OCIAD2: variants seen among roughly 807,000 people sequenced by gnomAD.
OCIAD2 encodes OCIA domain containing 2.
A neutral mutation model predicts 22.9 loss-of-function variants in OCIAD2; 29 were observed. The ratio of observed to expected loss-of-function variants is 1.27; its 90% CI spans 0.94 to 1.73. The LOEUF is 1.73. Ranked by LOEUF, OCIAD2 falls within the 40% of genes most tolerant of loss-of-function variation. The pLI, the probability that OCIAD2 is intolerant of heterozygous loss-of-function variation, is 0.00. For synonymous variants in OCIAD2, 67 were observed against 60.2 expected (o/e 1.11, Z -0.52); for missense variants, 189 against 180.3 (o/e 1.05, Z -0.28).
intron 6 of OCIAD2, among the ~76,000 whole-genome samples, chr4:48,889,465 T>C (rs1260236562): frequency 6.6e-6 from 1 of 152,196 alleles, no homozygotes; most frequent in Non-Finnish European, 1.5e-5. Context: ...CAGACACTTC[T>C]TAAAAGAAGA....
chr4:48,895,195 C>T (rs1005710353), intron 4 of OCIAD2, among the ~76,000 whole-genome samples: 4 of 152,112 alleles, frequency 2.6e-5, no homozygotes, highest in African/African-American at 9.7e-5. Flanking sequence ...CCAGTGAGAC[C>T]CATTTCAGCA....
At chr4:48,898,398 T>C (rs1012379624) in intron 3 of OCIAD2, among the ~76,000 whole-genome samples, 14 of 152,122 alleles carry the variant, frequency 9.2e-5, no homozygotes, top group African/African-American at 3.4e-4. Flanking sequence ...TCTTTGTCAC[T>C]AAATACTTCA....
chr4:48,886,430 T>C (rs1014938338), intron 6 of OCIAD2, among the ~76,000 whole-genome samples: 2 of 152,310 alleles, frequency 1.3e-5, no homozygotes, highest in African/African-American at 4.8e-5. Flanking sequence ...CACGTTGGTG[T>C]GCTGCACCCA....
chr4:48,893,906 T>C, intron 5 of OCIAD2, 100 bp downstream of exon 5: 1 of 551,184 alleles, frequency 1.8e-6, no homozygotes, highest in Non-Finnish European at 3.1e-6. Context: ...GGTCTCGAAC[T>C]CCTGGACTCA....
At chr4:48,888,395 G>C (rs1232182503) in intron 6 of OCIAD2, among the ~76,000 whole-genome samples, 2 of 152,186 alleles carry the variant, frequency 1.3e-5, no homozygotes, top group Admixed American at 6.5e-5. Flanking sequence ...TGGTGAGAGA[G>C]GGCATACCTG....
chr4:48,887,652 T>A (rs1018624804), intron 6 of OCIAD2, among the ~76,000 whole-genome samples: 1 of 152,206 alleles, frequency 6.6e-6, no homozygotes, highest in Non-Finnish European at 1.5e-5. Context: ...GTTGTAGATA[T>A]GCGGCATTAT....
intron 6 of OCIAD2, among the ~76,000 whole-genome samples, chr4:48,889,103 T>C (rs992491665): frequency 2.0e-5 from 3 of 152,246 alleles, no homozygotes; most frequent in Non-Finnish European, 4.4e-5. Flanking sequence ...CCATTTCTTC[T>C]AGATTTTCTA....
intron 4 of OCIAD2, among the ~76,000 whole-genome samples, chr4:48,894,770 C>T (rs1225288339): frequency 2.0e-5 from 3 of 152,030 alleles, no homozygotes; most frequent in African/African-American, 2.4e-5. Context: ...TAGAAAGTTT[C>T]CATTTGGAGA....
At chr4:48,896,669 C>T (rs1299736397) in intron 4 of OCIAD2, among the ~76,000 whole-genome samples, 2 of 152,004 alleles carry the variant, frequency 1.3e-5, no homozygotes, top group Non-Finnish European at 2.9e-5. Context: ...CATGGTGGCA[C>T]GTGCCTATAA....
chr4:48,899,613 A>C (rs1781373112), intron 3 of OCIAD2, among the ~76,000 whole-genome samples: 1 of 152,200 alleles, frequency 6.6e-6, no homozygotes, highest in African/African-American at 2.4e-5. Context: ...TTAAGTGTGC[A>C]TCACTTTTTG....
At chr4:48,886,751 T>C (rs914970592) in intron 6 of OCIAD2, among the ~76,000 whole-genome samples, 7 of 152,042 alleles carry the variant, frequency 4.6e-5, no homozygotes, top group African/African-American at 1.4e-4. Flanking sequence ...TTGTTGGACA[T>C]TGGGTTGGTT....
At chr4:48,895,006 A>T (rs1781271553) in intron 4 of OCIAD2, among the ~76,000 whole-genome samples, 1 of 152,228 alleles carries the variant, frequency 6.6e-6, no homozygotes, top group Non-Finnish European at 1.5e-5. Flanking sequence ...GTGGAAGAGG[A>T]AACTGGTGAC....
intron 3 of OCIAD2, among the ~76,000 whole-genome samples, chr4:48,898,864 G>A (rs547397825): frequency 6.6e-6 from 1 of 152,252 alleles, no homozygotes; most frequent in African/African-American, 2.4e-5. Context: ...TGATAAACAT[G>A]TAGCTCTTTC....
intron 1 of OCIAD2, among the ~76,000 whole-genome samples, chr4:48,906,052 A>C (rs1225489369): frequency 6.6e-6 from 1 of 152,202 alleles, no homozygotes; most frequent in Non-Finnish European, 1.5e-5. Flanking sequence ...TTTGCTGACC[A>C]CGCCAAATTA....
intron 2 of OCIAD2, among the ~76,000 whole-genome samples, chr4:48,904,087 T>C (rs576843268): frequency 3.9e-5 from 6 of 152,268 alleles, no homozygotes; most frequent in Non-Finnish European, 7.4e-5. Context: ...AAAAATAAGA[T>C]GACTGGTTAA....
At position 48,906,719 on chromosome 4, in the gene OCIAD2, T is replaced by A. The variant is rs1371131074; in HGVS notation, c.-124A>T. 1 of 152,908 alleles carries A rather than the reference T, an allele frequency of 6.5e-6. No individual in the cohort carries two copies. The highest frequency in any genetic ancestry group is 1.5e-5 in the Non-Finnish European group (1 of 68,670). 9.5% of individuals were successfully genotyped at this position (152,908 alleles called of 1,614,324 possible). A position where few individuals can be genotyped will look rare whatever the true frequency, so the allele number is the denominator to read the frequency against. ...CGTTGCCAAGCCCAGCAGGCCTCGC[T>A]CCCCCGTGACTGCACCGCCGGCCCG... On this transcript the variant is annotated 5_prime_UTR_variant, in exon 1 of 7. Transcript: ENST00000508632.
chr4:48,898,106 C>G (rs570609213), intron 3 of OCIAD2, among the ~76,000 whole-genome samples: 1 of 152,300 alleles, frequency 6.6e-6, no homozygotes, highest in African/African-American at 2.4e-5. Flanking sequence ...GTCTGACATC[C>G]ACTTGTACTG....
chr4:48,890,909 T>A (rs1781161473), intron 6 of OCIAD2, among the ~76,000 whole-genome samples: 1 of 152,174 alleles, frequency 6.6e-6, no homozygotes, highest in Non-Finnish European at 1.5e-5. Flanking sequence ...TCTCACTTAT[T>A]TCCCCCCATT....
intron 6 of OCIAD2, among the ~76,000 whole-genome samples, chr4:48,886,027 T>C (rs181065437): frequency 3.3e-5 from 5 of 152,344 alleles, no homozygotes; most frequent in African/African-American, 9.6e-5. Flanking sequence ...TGGTATTGCC[T>C]AGGTTTTCTT....
Sources: allele counts gnomAD v4.1 joint callset (sites outside exome capture counted in the v4.1 genomes callset), GRCh38; gene constraint gnomAD v4.1.1; transcripts MANE v1.5; gene names NCBI Gene and HGNC (gene_info 2026-07-23, HGNC 2026-07-21).